The following PIANP variants were observed in gnomAD, a reference collection of about 807,000 sequenced individuals.
PIANP encodes PILR alpha associated neural protein.
A neutral mutation model predicts 28.9 loss-of-function variants in PIANP; 14 were observed. The ratio of observed to expected loss-of-function variants is 0.49; its 90% CI spans 0.32 to 0.76. PIANP has a LOEUF of 0.76. Among genes scored for constraint, PIANP ranks in the 30% least tolerant of loss-of-function variants. PIANP has a pLI of 0.03. For missense variants in PIANP, 322 were observed against 371.8 expected, an observed-to-expected ratio of 0.87 and a Z score of 1.10; for synonymous variants, 149 against 156.6, an observed-to-expected ratio of 0.95 and a Z score of 0.36.
In PIANP at chr12:6,697,661, C is replaced by T; in HGVS notation, c.149G>A (p.Gly50Glu). 1.3e-6 allele frequency: 2 copies of T among 1,557,640 alleles called. No individual in the cohort carries two copies. Among genetic ancestry groups the T allele is most frequent in the Non-Finnish European group, 1.7e-6 (2 of 1,150,790 alleles). ...PAPARPPCAR[G>E]GPSAPRHVCV... ...CACATGACGTGGGGCCGAGGGGCCT[C>T]CCCTGGCACACGGGGGGCGGGCTGG... The change falls in exon 3 of 5, where the codon GGA (glycine) becomes GAA (glutamate). Residue 50 changes from glycine (G) to glutamate (E), a missense_variant. Transcript: ENST00000534837. This position sits in a 1 kb window ranked among gnomAD's most constrained non-coding sequence, Gnocchi z 6.9.
downstream of PIANP, among the ~76,000 whole-genome samples, chr12:6,693,235 C>G (rs1959740523): frequency 6.6e-6 from 1 of 151,994 alleles, no homozygotes; most frequent in Non-Finnish European, 1.5e-5. Flanking sequence ...GTGCCTCTCT[C>G]TGAGAGGGCA....
rs1249427137 is a variant in PIANP, at chr12:6,697,270, C to G, written c.523+17G>C. 6.2e-7 allele frequency: 1 copy of G among 1,612,812 alleles called. No homozygotes were observed. Among genetic ancestry groups the G allele is most frequent in the Non-Finnish European group, 8.5e-7 (1 of 1,179,578 alleles). Reference sequence around the variant, plus strand: ...GCCTCCCCATCCGTCATATCCCTCCCAGCCTTTCCCACTCACCTTCCCCAC... The same window carrying G: ...GCCTCCCCATCCGTCATATCCCTCCGAGCCTTTCCCACTCACCTTCCCCAC... On this transcript the variant is annotated intron_variant, in intron 3 of 4. Transcript: ENST00000534837. This position sits in a 1 kb window ranked among gnomAD's most constrained non-coding sequence, Gnocchi z 6.9.
rs1959768366 is a variant in PIANP, at chr12:6,694,101, C to G, written c.*1325G>C. 2 of 153,780 alleles carry G rather than the reference C, an allele frequency of 1.3e-5. No homozygotes were observed. The highest frequency in any genetic ancestry group is 4.8e-5 in the African/African-American group (2 of 41,384). The allele number at this position is 153,780 out of a possible 1,614,324, so 9.5% of individuals were successfully genotyped here. ...CCCGATGGCCTTGAACCAGCTGACT[C>G]CGGTCCCTGGCAGCCTAGGTGGAGT... On this transcript the variant is annotated 3_prime_UTR_variant, in exon 5 of 5. Coordinates refer to ENST00000534837, the MANE Select transcript of PIANP (RefSeq NM_001244014.2). The surrounding 1 kb of genome is among the most constrained non-coding windows in gnomAD (Gnocchi z 6.1).
rs1432218830 is a variant in PIANP at position 6,695,090 on chromosome 12, AC to A, written c.*335del. 1.9e-6 allele frequency: 3 copies of A among 1,569,174 alleles called. No individual in the cohort carries two copies. The highest frequency in any genetic ancestry group is 2.6e-6 in the Non-Finnish European group (3 of 1,156,786). ...GAAGAGGGAAAGGGCACAGTCAGGA[AC>A]CAAGGGGTAGGCCAGAATAGAAGGG... On this transcript the variant is annotated 3_prime_UTR_variant, in exon 5 of 5. Transcript: ENST00000534837. The surrounding 1 kb of genome is among the most constrained non-coding windows in gnomAD (Gnocchi z 4.2).
Position 6,695,759 on chromosome 12 carries a change from T to G in PIANP, c.606-108A>C. Reference sequence around the variant, plus strand: ...TCGCCCAGTCACTCCCAACATCTTATAGCAGAGAAACTGGCCTTTAACAGT... The same window carrying G: ...TCGCCCAGTCACTCCCAACATCTTAGAGCAGAGAAACTGGCCTTTAACAGT... On this transcript the variant is annotated intron_variant, in intron 4 of 4. Coordinates refer to ENST00000534837, the MANE Select transcript of PIANP (RefSeq NM_001244014.2). This position sits in a 1 kb window ranked among gnomAD's most constrained non-coding sequence, Gnocchi z 4.2. The G allele has an allele frequency of 4.0e-6, 5 of 1,243,102 alleles. No homozygotes were observed. The highest frequency in any genetic ancestry group is 5.2e-6 in the Non-Finnish European group (5 of 966,262). 77.0% of individuals were successfully genotyped at this position (1,243,102 alleles called of 1,614,324 possible).
At chr12:6,698,136 C>G in intron 1 of PIANP, 32 bp from the exon 2 acceptor site, 1 of 1,488,934 alleles carries the variant, frequency 6.7e-7, no homozygotes, top group African/African-American at 1.4e-5. Context: ...CACACCCCAG[C>G]CCTGCCCTGT....
rs753950627 is a variant in PIANP, at chr12:6,697,438, A to G, written c.372T>C (p.Asn124=). ...REDGGDPNSA[N]PGFLDYGFAA... ...CAAAACCATAGTCCAGAAATCCGGG[A>G]TTGGCAGAGTTGGGGTCCCCTCCAT... The change falls in exon 3 of 5, where the codon AAT becomes AAC. Residue 124 remains asparagine (N), a synonymous_variant. Transcript: ENST00000534837. This position sits in a 1 kb window ranked among gnomAD's most constrained non-coding sequence, Gnocchi z 6.9. 37 of 1,613,910 alleles carry G rather than the reference A, an allele frequency of 2.3e-5. No individual in the cohort carries two copies. Among genetic ancestry groups the G allele is most frequent in the Non-Finnish European group, 3.0e-5 (35 of 1,179,894 alleles).
At position 6,695,653 on chromosome 12, in the gene PIANP, T is replaced by C; in HGVS notation, c.606-2A>G. ...CGTCGCTTCTGGCTGCGGTCCCAGC[T>C]GGGGTACCAGAGGAAAAGAGGTTCT... is the stretch of plus-strand genomic sequence containing the variant. On this transcript the variant is annotated splice_acceptor_variant, in intron 4 of 4. Transcript: ENST00000534837. LOFTEE classifies it high-confidence loss of function. The surrounding 1 kb of genome is among the most constrained non-coding windows in gnomAD (Gnocchi z 4.2). 1 of 1,504,760 alleles carries C rather than the reference T, an allele frequency of 6.6e-7. No individual in the cohort carries two copies. The highest frequency in any genetic ancestry group is 8.9e-7 in the Non-Finnish European group (1 of 1,124,004). The allele number at this position is 1,504,760 out of a possible 1,614,324, so 93.2% of individuals were successfully genotyped here. A position where few individuals can be genotyped will look rare whatever the true frequency, so the allele number is the denominator to read the frequency against.
chr12:6,696,333 A>T lies in PIANP; in HGVS notation c.605+110T>A. The T allele has an allele frequency of 1.3e-6, 1 of 764,788 alleles. No individual in the cohort carries two copies. The highest frequency in any genetic ancestry group is 2.0e-6 in the Non-Finnish European group (1 of 491,454). 47.4% of individuals were successfully genotyped at this position (764,788 alleles called of 1,614,324 possible). ...TCCCAAGGTCTTGCCTTCATCCAGC[A>T]TTTCCCACCCACCCCCCAGCAAAAT... On this transcript the variant is annotated intron_variant, in intron 4 of 4. Coordinates refer to ENST00000534837, the MANE Select transcript of PIANP (RefSeq NM_001244014.2). This position sits in a 1 kb window ranked among gnomAD's most constrained non-coding sequence, Gnocchi z 4.0.
chr12:6,698,299 C>T (rs1592450572), intron 1 of PIANP, 195 bp from the exon 2 acceptor site: 1 of 609,010 alleles, frequency 1.6e-6, no homozygotes, highest in Non-Finnish European at 2.9e-6. Flanking sequence ...CAGACTCCAG[C>T]CCCATCTACA....
intron 1 of PIANP, chr12:6,698,438 T>A (rs1192403023): frequency 3.0e-6 from 1 of 329,742 alleles, no homozygotes; most frequent in African/African-American, 2.2e-5. Flanking sequence ...AAGAACCTTG[T>A]GATTCCTTGA....
downstream of PIANP, among the ~76,000 whole-genome samples, chr12:6,693,228 CCTCT>C (rs1359132564): frequency 6.6e-6 from 1 of 152,036 alleles, no homozygotes; most frequent in African/African-American, 2.4e-5. Flanking sequence ...CCCTGCAGTG[CCTCT>C]CTCTGAGAGG....
At chr12:6,699,239 C>T (rs186119238) in intron 1 of PIANP, among the ~76,000 whole-genome samples, 35 of 152,044 alleles carry the variant, frequency 2.3e-4, no homozygotes, top group African/African-American at 8.2e-4. Flanking sequence ...AGCGAGACTC[C>T]GACTCAAAAA....
rs1259749365 is a variant in PIANP, at chr12:6,700,504, GT to G, written c.-44+109del. 6.6e-6 allele frequency: 1 copy of G among 152,262 alleles called. No homozygotes were observed. The highest frequency in any genetic ancestry group is 1.5e-5 in the Non-Finnish European group (1 of 68,312). 9.4% of individuals were successfully genotyped at this position (152,262 alleles called of 1,614,324 possible). ...GGGGCGCTGGGAGGCTGGAGGCCTTGTCCCGGGCGAGGGACCGCGTCGGGAG... is the reference window on the plus strand; with the variant it reads ...GGGGCGCTGGGAGGCTGGAGGCCTTGCCCGGGCGAGGGACCGCGTCGGGAG... On this transcript the variant is annotated intron_variant, in intron 1 of 4. Transcript: ENST00000534837. This position sits in a 1 kb window ranked among gnomAD's most constrained non-coding sequence, Gnocchi z 5.5.
At chr12:6,699,105 G>A (rs893923335) in intron 1 of PIANP, among the ~76,000 whole-genome samples, 7 of 152,152 alleles carry the variant, frequency 4.6e-5, no homozygotes, top group Admixed American at 3.3e-4. Context: ...TTAGCCGGGG[G>A]TAGTGGTGGG....
rs895297054 is a variant in PIANP at position 6,696,141 on chromosome 12, A to C, written c.605+302T>G. On this transcript the variant is annotated intron_variant, in intron 4 of 4. Transcript: ENST00000534837. This position sits in a 1 kb window ranked among gnomAD's most constrained non-coding sequence, Gnocchi z 4.0. ...CAGGCAACCCTAAGAAGGGCTCTGC[A>C]GACTGGGTCAGCTTTCTCTGTCTTG... Among the ~76,000 whole-genome samples the C allele has an allele frequency of 1.3e-5, 2 of 152,144 alleles. No individual in the cohort carries two copies. Among genetic ancestry groups the C allele is most frequent in the African/African-American group, 4.8e-5 (2 of 41,440 alleles).
rs2137716658 is a variant in PIANP at position 6,700,487 on chromosome 12, G to A, written c.-44+127C>T. ...GAGAGCCCTTCGGGGAAGGGGCGCT[G>A]GGAGGCTGGAGGCCTTGTCCCGGGC... On this transcript the variant is annotated intron_variant, in intron 1 of 4. Coordinates refer to ENST00000534837, the MANE Select transcript of PIANP (RefSeq NM_001244014.2). The surrounding 1 kb of genome is among the most constrained non-coding windows in gnomAD (Gnocchi z 5.5). 1 of 152,534 alleles carries A rather than the reference G, an allele frequency of 6.6e-6. No individual in the cohort carries two copies. Among genetic ancestry groups the A allele is most frequent in the East Asian group, 1.9e-4 (1 of 5,154 alleles). The allele number at this position is 152,534 out of a possible 1,614,324, so 9.4% of individuals were successfully genotyped here.
rs902405114 is a variant in PIANP, at chr12:6,700,411, G to C, written c.-44+203C>G. 4 of 152,512 alleles carry C rather than the reference G, an allele frequency of 2.6e-5. No homozygotes were observed. Among genetic ancestry groups the C allele is most frequent in the Non-Finnish European group, 5.9e-5 (4 of 68,314 alleles). The allele number at this position is 152,512 out of a possible 1,614,324, so 9.4% of individuals were successfully genotyped here. ...CGGGATGGAGGCAGCCGCGGGGACG[G>C]GGACGGCTGCGCCAGGGAGGGCGGG... is the stretch of plus-strand genomic sequence containing the variant. On this transcript the variant is annotated intron_variant, in intron 1 of 4. Coordinates refer to ENST00000534837, the MANE Select transcript of PIANP (RefSeq NM_001244014.2). This position sits in a 1 kb window ranked among gnomAD's most constrained non-coding sequence, Gnocchi z 5.5.
chr12:6,694,890 C>T lies in PIANP; in HGVS notation c.*536G>A, dbSNP rs535140361. ...CGAGCAGATAGGATTGCCCGTGGGG[C>T]TGGGGAGTGTTCCGGGTGGTGTGCA... On this transcript the variant is annotated 3_prime_UTR_variant, in exon 5 of 5. Transcript: ENST00000534837. The surrounding 1 kb of genome is among the most constrained non-coding windows in gnomAD (Gnocchi z 6.1). 1.4e-3 allele frequency: 1,349 copies of T among 993,236 alleles called. 3 individuals carry two copies. Among genetic ancestry groups the T allele is most frequent in the Non-Finnish European group, 1.8e-3 (1,252 of 706,598 alleles). 61.5% of individuals were successfully genotyped at this position (993,236 alleles called of 1,614,324 possible).
Sources: gnomAD v4.1 joint callset for allele counts (sites outside exome capture counted in the v4.1 genomes callset) on GRCh38, gnomAD v4.1.1 for gene constraint, Gnocchi (gnomAD v3.1) non-coding constraint, MANE v1.5 for transcripts, NCBI Gene and HGNC (gene_info 2026-07-23, HGNC 2026-07-21) for gene names.